The following NSUN6 variants were observed in gnomAD, a reference collection of about 807,000 sequenced individuals.
NSUN6 encodes the protein NOP2/Sun RNA methyltransferase 6, also known as tRNA (cytosine(72)-C(5))-methyltransferase NSUN6.
In NSUN6, 64 loss-of-function variants were observed where a neutral mutation model predicts 58.0. That is an observed-to-expected ratio of 1.10 (90% CI 0.90 to 1.36). NSUN6 has a LOEUF of 1.36. Among genes scored for constraint, NSUN6 ranks in the 40% most tolerant of loss-of-function variants. The probability of loss-of-function intolerance (pLI) is 0.00; values close to 1 mark genes in which losing one functional copy is unlikely to be tolerated. For missense variants in NSUN6, 701 were observed against 550.1 expected, an observed-to-expected ratio of 1.27 and a Z score of -2.74; for synonymous variants, 231 against 193.9, an observed-to-expected ratio of 1.19 and a Z score of -1.59.
At chr10:18,650,631 G>T (rs74437915) in intron 1 of NSUN6, among the ~76,000 whole-genome samples, 2 of 152,130 alleles carry the variant, frequency 1.3e-5, no homozygotes, top group African/African-American at 4.8e-5. Context: ...TGTCAACTTG[G>T]ATCAGTTACA....
chr10:18,618,044 G>A (rs571841682), intron 3 of NSUN6, among the ~76,000 whole-genome samples: 1 of 152,272 alleles, frequency 6.6e-6, no homozygotes, highest in African/African-American at 2.4e-5. Flanking sequence ...AAGACACTCA[G>A]CGTCATCTTA....
At chr10:18,613,144 C>T (rs1042766052) in intron 5 of NSUN6, among the ~76,000 whole-genome samples, 2 of 152,082 alleles carry the variant, frequency 1.3e-5, no homozygotes, top group African/African-American at 4.8e-5. Context: ...CTGTGTCACC[C>T]AGGCTGGAGT....
intron 2 of NSUN6, among the ~76,000 whole-genome samples, chr10:18,645,170 A>C (rs934704789): frequency 6.6e-6 from 1 of 151,868 alleles, no homozygotes; most frequent in Non-Finnish European, 1.5e-5. Context: ...AAAAAAAAAA[A>C]AAAAAAAAGA....
intron 8 of NSUN6, among the ~76,000 whole-genome samples, chr10:18,566,409 T>G (rs1229379285): frequency 6.6e-6 from 1 of 150,860 alleles, no homozygotes; most frequent in Non-Finnish European, 1.5e-5. Flanking sequence ...TCTTCTTCAT[T>G]CTATTCCATT....
intron 6 of NSUN6, among the ~76,000 whole-genome samples, chr10:18,609,205 C>A (rs560349769): frequency 6.6e-6 from 1 of 151,970 alleles, no homozygotes; most frequent in South Asian, 2.1e-4. Context: ...CAACTATTTG[C>A]GAGGCTAAGG....
chr10:18,572,054 T>C (rs1431253636), intron 8 of NSUN6, among the ~76,000 whole-genome samples: 1 of 150,482 alleles, frequency 6.6e-6, no homozygotes, highest in African/African-American at 2.4e-5. Flanking sequence ...CCATTCCATT[T>C]CCCACTGAAT....
chr10:18,647,142 T>C (rs979102269), intron 2 of NSUN6, among the ~76,000 whole-genome samples: 1 of 152,218 alleles, frequency 6.6e-6, no homozygotes, highest in Non-Finnish European at 1.5e-5. Flanking sequence ...CTTATAGTTG[T>C]TCTTAAATAG....
intron 3 of NSUN6, among the ~76,000 whole-genome samples, chr10:18,635,361 C>G (rs372713274): frequency 5.1e-4 from 77 of 152,218 alleles, no homozygotes; most frequent in African/African-American, 1.6e-3. Flanking sequence ...TGAGTCTTAG[C>G]CAATCACTAA....
Position 18,636,830 on chromosome 10 carries a change from A to G in NSUN6, c.311+5646T>C, listed in dbSNP as rs2059231842. ...CTTGAACCTGGGAGGCGGAGCTTAC[A>G]ATGAACCAAGGTCACTTCACTGCAC... On this transcript the variant is annotated intron_variant, in intron 3 of 10. Transcript: ENST00000377304. 2.0e-5 allele frequency among the ~76,000 whole-genome samples: 3 copies of G among 151,836 alleles called. No individual in the cohort carries two copies. The South Asian group carries it at 6.2e-4, about 32-fold the overall frequency.
intron 6 of NSUN6, among the ~76,000 whole-genome samples, chr10:18,599,095 T>A (rs1402727849): frequency 1.3e-5 from 2 of 152,186 alleles, no homozygotes; most frequent in Non-Finnish European, 1.5e-5. Context: ...TGCAGTGCAG[T>A]GGTGCAATCA....
chr10:18,631,247 C>G (rs1236268735), intron 3 of NSUN6, among the ~76,000 whole-genome samples: 1 of 149,252 alleles, frequency 6.7e-6, no homozygotes, highest in Non-Finnish European at 1.5e-5. Context: ...ATTGATGGGA[C>G]GTATCTCAAA....
chr10:18,646,182 G>A (rs1330688997), intron 2 of NSUN6, among the ~76,000 whole-genome samples: 4 of 152,254 alleles, frequency 2.6e-5, no homozygotes, highest in Middle Eastern at 6.8e-3. Flanking sequence ...GCAACAGAGC[G>A]AGACTCCATC....
chr10:18,643,170 T>C (rs2059438612), intron 2 of NSUN6, among the ~76,000 whole-genome samples: 1 of 151,740 alleles, frequency 6.6e-6, no homozygotes, highest in Non-Finnish European at 1.5e-5. Flanking sequence ...TGAGTATTTA[T>C]ACCACAGAAA....
intron 8 of NSUN6, among the ~76,000 whole-genome samples, chr10:18,558,792 G>T (rs1358140793): frequency 6.7e-6 from 1 of 149,054 alleles, no homozygotes; most frequent in Non-Finnish European, 1.5e-5. Context: ...ATTGAGAATG[G>T]AATGGACAAT....
chr10:18,586,430 C>T (rs2057144325), intron 7 of NSUN6, among the ~76,000 whole-genome samples: 1 of 152,198 alleles, frequency 6.6e-6, no homozygotes, highest in East Asian at 1.9e-4. Context: ...TCCCTGACTT[C>T]AGGAGTGAAG....
At chr10:18,603,940 T>C (rs1020212202) in intron 6 of NSUN6, among the ~76,000 whole-genome samples, 3 of 152,068 alleles carry the variant, frequency 2.0e-5, no homozygotes, top group African/African-American at 7.2e-5. Context: ...TCCCAGCACT[T>C]TGGGAGATTA....
At chr10:18,593,006 A>G (rs974197386) in intron 7 of NSUN6, among the ~76,000 whole-genome samples, 5 of 152,188 alleles carry the variant, frequency 3.3e-5, no homozygotes, top group African/African-American at 1.2e-4. Context: ...ACTTAAACAA[A>G]TTTACAAGAA....
At chr10:18,652,748 C>T (rs45528733), upstream of NSUN6, 11,884 of 394,288 alleles carry the variant, frequency 0.03, 215 homozygotes, top group South Asian at 0.051. Flanking sequence ...TTAATAGAGA[C>T]GGGGTTTCAC....
intron 8 of NSUN6, among the ~76,000 whole-genome samples, chr10:18,560,705 T>C (rs1359526097): frequency 1.4e-5 from 2 of 142,900 alleles, no homozygotes; most frequent in Non-Finnish European, 3.0e-5. Flanking sequence ...TGGAATGGAA[T>C]GCAATGAGGA....
Sources: gnomAD v4.1 joint callset for allele counts (sites outside exome capture counted in the v4.1 genomes callset) on GRCh38, gnomAD v4.1.1 for gene constraint, MANE v1.5 for transcripts, NCBI Gene and HGNC (gene_info 2026-07-23, HGNC 2026-07-21) for gene names.